CDH7: variants seen among roughly 807,000 people sequenced by gnomAD.
CDH7 encodes the protein cadherin 7.
Under a neutral mutation model 71.8 loss-of-function variants are expected in CDH7, and 25 were observed. That is an observed-to-expected ratio of 0.35 (90% confidence interval 0.25 to 0.49). The LOEUF is 0.49. Ranked by LOEUF, CDH7 falls within the 20% of genes least tolerant of loss-of-function variation. The probability of loss-of-function intolerance (pLI) is 0.99; values close to 1 mark genes in which losing one functional copy is unlikely to be tolerated. For synonymous variants in CDH7, 381 were observed against 363.8 expected, an observed-to-expected ratio of 1.05 and a Z score of -0.54; for missense variants, 862 against 974.6, an observed-to-expected ratio of 0.88 and a Z score of 1.54.
At chr18:65,797,813 A>G (rs1156884987) in intron 2 of CDH7, among the ~76,000 whole-genome samples, 5 of 152,232 alleles carry the variant, frequency 3.3e-5, no homozygotes, top group African/African-American at 4.8e-5. Context: ...TAATAAACCT[A>G]TTTCTCCTCT....
At chr18:65,785,870 T>A (rs9319698) in intron 2 of CDH7, among the ~76,000 whole-genome samples, 52,359 of 151,960 alleles carry the variant, frequency 0.34, 9,379 homozygotes, top group Middle Eastern at 0.46. Context: ...ATAAGAAATA[T>A]AATTTGTAAA....
chr18:65,777,175 T>C (rs1027812107), intron 2 of CDH7, among the ~76,000 whole-genome samples: 1 of 152,046 alleles, frequency 6.6e-6, no homozygotes, highest in African/African-American at 2.4e-5. Context: ...ATGAAAGACC[T>C]GATGCTGAAA....
intron 2 of CDH7, among the ~76,000 whole-genome samples, chr18:65,804,699 CGTGT>C (rs56242508): frequency 1.8e-4 from 27 of 148,804 alleles, no homozygotes; most frequent in African/African-American, 5.9e-4. Flanking sequence ...CCTTAACACA[CGTGT>C]GTGTGTGTGT....
At chr18:65,841,514 T>A (rs1406005858) in intron 6 of CDH7, among the ~76,000 whole-genome samples, 1 of 152,204 alleles carries the variant, frequency 6.6e-6, no homozygotes, top group African/African-American at 2.4e-5. Flanking sequence ...GAAAATAAGA[T>A]TTCTCTTATA....
chr18:65,834,726 T>G (rs752626887), intron 6 of CDH7, among the ~76,000 whole-genome samples: 1 of 152,204 alleles, frequency 6.6e-6, no homozygotes, highest in Non-Finnish European at 1.5e-5. Context: ...GTCAAGGAAC[T>G]GGAGCTCTTG....
chr18:65,829,308 C>T (rs1912248290), intron 6 of CDH7, among the ~76,000 whole-genome samples: 2 of 151,780 alleles, frequency 1.3e-5, no homozygotes, highest in Non-Finnish European at 2.9e-5. Flanking sequence ...TTAGTAGAGA[C>T]GGGGTTTCAC....
chr18:65,765,701 A>G lies in CDH7; in HGVS notation c.210+2649A>G, dbSNP rs368128450. 2.0e-3 allele frequency among the ~76,000 whole-genome samples: 306 copies of G among 152,232 alleles called. 2 individuals carry two copies. The highest frequency in any genetic ancestry group is 0.01 in the Middle Eastern group (3 of 294). Reference sequence around the variant, plus strand: ...TAGCTATTTGGGTAATTTGGAAAATATAAGTGATGACTTTGATACATTTTG... The same window carrying G: ...TAGCTATTTGGGTAATTTGGAAAATGTAAGTGATGACTTTGATACATTTTG... On this transcript the variant is annotated intron_variant, in intron 2 of 11. Coordinates refer to ENST00000397968, the MANE Select transcript of CDH7 (RefSeq NM_004361.5).
At chr18:65,846,986 A>ATT (rs1912955287) in intron 7 of CDH7, among the ~76,000 whole-genome samples, 1 of 150,896 alleles carries the variant, frequency 6.6e-6, no homozygotes, top group East Asian at 2.0e-4. Context: ...ATAGCATTTT[A>ATT]TATGCAACCA....
At chr18:65,756,704 A>C (rs1916039438) in intron 1 of CDH7, among the ~76,000 whole-genome samples, 1 of 152,262 alleles carries the variant, frequency 6.6e-6, no homozygotes, top group Non-Finnish European at 1.5e-5. Context: ...GCTTATTTAT[A>C]TTGGACTGCA....
intron 11 of CDH7, among the ~76,000 whole-genome samples, chr18:65,868,150 G>C (rs991252548): frequency 1.3e-5 from 2 of 152,204 alleles, no homozygotes; most frequent in African/African-American, 2.4e-5. Flanking sequence ...CAGCCCTAGA[G>C]ATAATAATGT....
intron 6 of CDH7, among the ~76,000 whole-genome samples, chr18:65,827,144 C>T (rs1912161203): frequency 2.6e-5 from 4 of 151,752 alleles, no homozygotes; most frequent in African/African-American, 9.6e-5. Flanking sequence ...AATTTTTTCA[C>T]TGAATATGAG....
At chr18:65,880,252 G>A (rs1162277047) in intron 11 of CDH7, 149 bp from the exon 12 acceptor site, 6 of 733,814 alleles carry the variant, frequency 8.2e-6, no homozygotes, top group Admixed American at 6.9e-5. Context: ...CACATCTACC[G>A]CTGTGAATCC....
chr18:65,863,018 T>C, intron 11 of CDH7, 101 bp downstream of exon 11: 2 of 1,262,038 alleles, frequency 1.6e-6, no homozygotes, highest in South Asian at 1.4e-5. Flanking sequence ...TATGCAGATA[T>C]TCTACTGGAT....
intron 9 of CDH7, 46 bp from the exon 10 acceptor site, chr18:65,859,662 C>T: frequency 8.8e-7 from 1 of 1,131,488 alleles, no homozygotes; most frequent in Non-Finnish European, 1.4e-6. Context: ...GAAAACTAAG[C>T]ATAGCACACC....
At chr18:65,759,307 C>T (rs1916119789) in intron 1 of CDH7, among the ~76,000 whole-genome samples, 1 of 150,604 alleles carries the variant, frequency 6.6e-6, no homozygotes, top group African/African-American at 2.4e-5. Flanking sequence ...TGCAGTGGTG[C>T]CGTCTCGGCT....
At chr18:65,778,965 G>A (rs1910070026) in intron 2 of CDH7, among the ~76,000 whole-genome samples, 1 of 151,790 alleles carries the variant, frequency 6.6e-6, no homozygotes, top group African/African-American at 2.4e-5. Flanking sequence ...GTCCTTTGCA[G>A]GATTGTTTGA....
intron 2 of CDH7, among the ~76,000 whole-genome samples, chr18:65,768,115 A>G (rs1393176568): frequency 1.3e-5 from 2 of 152,166 alleles, no homozygotes; most frequent in East Asian, 1.9e-4. Context: ...AAAATCATTT[A>G]AAAATTCTGC....
chr18:65,761,027 G>A (rs1916175396), intron 1 of CDH7, among the ~76,000 whole-genome samples: 1 of 152,114 alleles, frequency 6.6e-6, no homozygotes, highest in South Asian at 2.1e-4. Context: ...TGGCCCTCTA[G>A]GGTGGTTTCT....
Position 65,886,994 on chromosome 18 carries a change from C to A in CDH7, c.*6100C>A, listed in dbSNP as rs1485241751. 1 of 152,042 alleles carries A rather than the reference C, an allele frequency of 6.6e-6. No homozygotes were observed. The highest frequency in any genetic ancestry group is 2.4e-5 in the African/African-American group (1 of 41,396). The allele number at this position is 152,042 out of a possible 1,614,324, so 9.4% of individuals were successfully genotyped here. A position where few individuals can be genotyped will look rare whatever the true frequency, so the allele number is the denominator to read the frequency against. Reference sequence around the variant, plus strand: ...TCTGGTTATTTTATGCTCATGTGAACAGACACTAGAAACAAATATATTAAT... The same window carrying A: ...TCTGGTTATTTTATGCTCATGTGAAAAGACACTAGAAACAAATATATTAAT... On this transcript the variant is annotated 3_prime_UTR_variant, in exon 12 of 12. Transcript: ENST00000397968.
Sources: gnomAD v4.1 joint callset for allele counts (sites outside exome capture counted in the v4.1 genomes callset) on GRCh38, gnomAD v4.1.1 for gene constraint, MANE v1.5 for transcripts, NCBI Gene and HGNC (gene_info 2026-07-23, HGNC 2026-07-21) for gene names.